Variants in AMOTL1 observed in about 807,000 individuals in gnomAD.
AMOTL1 encodes angiomotin like 1.
A neutral mutation model predicts 102.9 loss-of-function variants in AMOTL1; 45 were observed. The observed-to-expected ratio is 0.44, with a 90% CI of 0.34 to 0.56. The LOEUF is 0.56. Ranked by LOEUF, AMOTL1 falls within the 20% of genes least tolerant of loss-of-function variation. The pLI is 0.01. For missense variants in AMOTL1, 1,114 were observed against 1,225.6 expected, an observed-to-expected ratio of 0.91 and a Z score of 1.36; for synonymous variants, 481 against 484.7, an observed-to-expected ratio of 0.99 and a Z score of 0.10.
chr11:94,792,406 A>G (rs1951300095), intron 1 of AMOTL1, among the ~76,000 whole-genome samples: 1 of 152,248 alleles, frequency 6.6e-6, no homozygotes, highest in South Asian at 2.1e-4. Flanking sequence ...AACATGGCAC[A>G]TGTATACATA....
In AMOTL1 at chr11:94,821,660, C is replaced by T. The variant is rs757770404; in HGVS notation, c.1252C>T (p.Pro418Ser). 1 of 1,613,948 alleles carries T rather than the reference C, an allele frequency of 6.2e-7. No homozygotes were observed. The highest frequency in any genetic ancestry group is 2.2e-5 in the East Asian group (1 of 44,880). Residue 418 changes from proline to serine, a missense_variant, in exon 4 of 13, where the codon CCA becomes TCA. Physicochemically the swap from Pro to Ser is moderately conservative, Grantham distance 74. Coordinates refer to ENST00000433060, the MANE Select transcript of AMOTL1 (RefSeq NM_130847.3). ...PLPLPMALGA[P>S]QPPPAASPSQ... Reference sequence around the variant, plus strand: ...TCCACTCCCGATGGCCCTGGGTGCTCCACAGCCCCCGCCTGCCGCCTCCCC... The same window carrying T: ...TCCACTCCCGATGGCCCTGGGTGCTTCACAGCCCCCGCCTGCCGCCTCCCC...
chr11:94,859,114 G>A (rs1952723777), intron 8 of AMOTL1, among the ~76,000 whole-genome samples: 1 of 152,128 alleles, frequency 6.6e-6, no homozygotes, highest in African/African-American at 2.4e-5. Flanking sequence ...ATCACTTTGT[G>A]GAATTCTGGA....
intron 1 of AMOTL1, among the ~76,000 whole-genome samples, chr11:94,794,065 C>G (rs1187421091): frequency 4.6e-5 from 7 of 152,096 alleles, no homozygotes; most frequent in Non-Finnish European, 1.0e-4. Context: ...GATAACAAAC[C>G]TAGTGAGAAG....
intron 9 of AMOTL1, among the ~76,000 whole-genome samples, chr11:94,860,178 A>G (rs1478804092): frequency 2.0e-5 from 3 of 152,188 alleles, no homozygotes. Flanking sequence ...CCAAACTAGA[A>G]GAATAGATAA....
At position 94,830,166 on chromosome 11, in the gene AMOTL1, A is replaced by G. The variant is rs889992133; in HGVS notation, c.1530A>G (p.Arg510=). Residue 510 remains arginine, a synonymous_variant, in exon 5 of 13, where the codon AGA becomes AGG. Transcript: ENST00000433060. The part of the protein sequence containing the change: ...MRNKLEGEIR[R]LHDFNRDLRD... ...ACAAATTGGAAGGCGAGATTAGAAG[A>G]CTTCATGATTTCAACAGAGACCTCC... 5.0e-6 allele frequency: 8 copies of G among 1,609,082 alleles called. No homozygotes were observed. The African/African-American group carries it at 1.1e-4, about 22-fold the overall frequency.
At chr11:94,863,565 C>T (rs1283961477) in intron 9 of AMOTL1, among the ~76,000 whole-genome samples, 1 of 151,504 alleles carries the variant, frequency 6.6e-6, no homozygotes, top group Non-Finnish European at 1.5e-5. Flanking sequence ...GCACTCCAGT[C>T]TGGGCAACAA....
Position 94,873,991 on chromosome 11 carries a change from G to A in AMOTL1, c.*3196G>A, listed in dbSNP as rs985767325. ...CTGGACTTCAAACTTTCCCAGTGGAGCCTGATTATAGAACTTGAGGGTCCT... is the reference window on the plus strand; with the variant it reads ...CTGGACTTCAAACTTTCCCAGTGGAACCTGATTATAGAACTTGAGGGTCCT... On this transcript the variant is annotated 3_prime_UTR_variant, in exon 13 of 13. Coordinates refer to ENST00000433060, the MANE Select transcript of AMOTL1 (RefSeq NM_130847.3). 6.6e-6 allele frequency: 1 copy of A among 152,360 alleles called. No individual in the cohort carries two copies. The highest frequency in any genetic ancestry group is 1.9e-4 in the East Asian group (1 of 5,186). The allele number at this position is 152,360 out of a possible 1,614,324, so 9.4% of individuals were successfully genotyped here.
intron 1 of AMOTL1, among the ~76,000 whole-genome samples, chr11:94,714,418 C>T (rs566125396): frequency 5.3e-5 from 8 of 152,146 alleles, no homozygotes; most frequent in African/African-American, 1.9e-4. Flanking sequence ...AAAGTGATTG[C>T]TTCTTTTCTA....
chr11:94,824,609 A>C (rs1951929953), intron 4 of AMOTL1, among the ~76,000 whole-genome samples: 1 of 152,194 alleles, frequency 6.6e-6, no homozygotes, highest in Admixed American at 6.5e-5. Flanking sequence ...CCCTAGTCCC[A>C]GATCTTCCCT....
At chr11:94,773,472 C>T (rs535018717) in intron 1 of AMOTL1, among the ~76,000 whole-genome samples, 37 of 152,246 alleles carry the variant, frequency 2.4e-4, no homozygotes, top group African/African-American at 8.4e-4. Context: ...AGGTGTAGTT[C>T]CCATTCTGAA....
chr11:94,799,784 G>T lies in AMOTL1; in HGVS notation c.594G>T (p.Ser198=). Residue 198 remains serine, a synonymous_variant, in exon 3 of 13, where the codon TCG becomes TCT. Coordinates refer to ENST00000433060, the MANE Select transcript of AMOTL1 (RefSeq NM_130847.3). This position sits in a 1 kb window ranked among gnomAD's most constrained non-coding sequence, Gnocchi z 4.5. ...CTTACGAGGAGGCCAAAGCACAGTC[G>T]CAGTTCTTCAGGGGGCAGCAGCAGC... is the stretch of plus-strand genomic sequence containing the variant. ...LPTYEEAKAQ[S]QFFRGQQQQQ... 1 of 1,604,094 alleles carries T rather than the reference G, an allele frequency of 6.2e-7. No individual in the cohort carries two copies. Among genetic ancestry groups the T allele is most frequent in the Non-Finnish European group, 8.5e-7 (1 of 1,174,454 alleles).
At chr11:94,805,201 C>G (rs1215776772) in intron 3 of AMOTL1, among the ~76,000 whole-genome samples, 1 of 152,184 alleles carries the variant, frequency 6.6e-6, no homozygotes. Context: ...TAGAATATAT[C>G]ACATGTGATG....
rs747556231 is a variant in AMOTL1 at position 94,866,165 on chromosome 11, A to G, written c.2485A>G (p.Ile829Val). Reference protein sequence around the residue: ...KKEEKTWKGSIGLLLGKEHHE... With the variant: ...KKEEKTWKGSVGLLLGKEHHE... ...GGAAGAGAAGACCTGGAAGGGGAGC[A>G]TAGGTGAGCCCCACACCTCTGTCAG... Residue 829 changes from isoleucine (I) to valine (V), a missense_variant, in exon 11 of 13, where the codon ATA (isoleucine) becomes GTA (valine). Transcript: ENST00000433060. 6 of 1,613,882 alleles carry G rather than the reference A, an allele frequency of 3.7e-6. No individual in the cohort carries two copies. The highest frequency in any genetic ancestry group is 3.3e-5 in the South Asian group (3 of 91,052).
intron 1 of AMOTL1, among the ~76,000 whole-genome samples, chr11:94,783,758 G>A (rs567492601): frequency 6.6e-6 from 1 of 152,302 alleles, no homozygotes; most frequent in Admixed American, 6.5e-5. Flanking sequence ...TAGACTTTCA[G>A]ATTTGGGTCT....
chr11:94,804,283 A>G (rs575283402), intron 3 of AMOTL1, among the ~76,000 whole-genome samples: 19 of 152,320 alleles, frequency 1.2e-4, no homozygotes, highest in Non-Finnish European at 2.4e-4. Flanking sequence ...TGCTAATTTA[A>G]TAGGCAAATA....
chr11:94,775,279 C>G (rs775954489), intron 1 of AMOTL1, among the ~76,000 whole-genome samples: 7 of 152,148 alleles, frequency 4.6e-5, no homozygotes, highest in Non-Finnish European at 1.0e-4. Context: ...CATGGACATA[C>G]TCAGGGACAT....
At chr11:94,725,528 A>T (rs1176327443) in intron 1 of AMOTL1, among the ~76,000 whole-genome samples, 6 of 152,164 alleles carry the variant, frequency 3.9e-5, no homozygotes, top group Non-Finnish European at 4.4e-5. Flanking sequence ...ATAAGATAGG[A>T]TCTTTACTCT....
At chr11:94,754,169 T>C (rs1330108675) in intron 3 of AMOTL1, among the ~76,000 whole-genome samples, 1 of 152,182 alleles carries the variant, frequency 6.6e-6, no homozygotes, top group Admixed American at 6.5e-5. Context: ...CAATTATTGT[T>C]GTTATTATAT....
intron 3 of AMOTL1, among the ~76,000 whole-genome samples, chr11:94,759,414 T>A (rs1950764926): frequency 6.6e-6 from 1 of 152,188 alleles, no homozygotes; most frequent in Admixed American, 6.5e-5. Context: ...ACTTAAGCAT[T>A]TGTAGTTTGG....
Sources: gnomAD v4.1 joint callset for allele counts (sites outside exome capture counted in the v4.1 genomes callset) on GRCh38, gnomAD v4.1.1 for gene constraint, Gnocchi (gnomAD v3.1) non-coding constraint, MANE v1.5 for transcripts, NCBI Gene and HGNC (gene_info 2026-07-23, HGNC 2026-07-21) for gene names.